SPIRE2: variants seen among roughly 807,000 people sequenced by gnomAD.
SPIRE2 encodes protein spire homolog 2.
In SPIRE2, 76 loss-of-function variants were observed where a neutral mutation model predicts 80.7. The observed-to-expected ratio is 0.94, with a 90% CI of 0.78 to 1.14. SPIRE2 has a LOEUF of 1.14. SPIRE2 is among the 50% of genes most tolerant of loss of function. SPIRE2 has a pLI of 0.00. For synonymous variants in SPIRE2, 535 were observed against 432.6 expected (o/e 1.24, Z -2.94); for missense variants, 1,196 against 1,015.3 (o/e 1.18, Z -2.42).
chr16:89,862,157 C>CTA, intron 10 of SPIRE2: 1 of 152,200 alleles, frequency 6.6e-6, no homozygotes, highest in Non-Finnish European at 1.5e-5. Flanking sequence ...GCGCCCACCA[C>CTA]CGCACCCGGC....
chr16:89,845,969 T>G (rs2041555186), intron 2 of SPIRE2: 1 of 248,532 alleles, frequency 4.0e-6, no homozygotes. Context: ...TGATCTCGGC[T>G]TACTGCAAGC....
intron 7 of SPIRE2, 53 bp from the exon 8 acceptor site, chr16:89,858,285 C>A: frequency 6.7e-7 from 1 of 1,493,276 alleles, no homozygotes; most frequent in East Asian, 2.4e-5. Flanking sequence ...TCAGCTCCTG[C>A]CTGCTGTCTC....
intron 3 of SPIRE2, 64 bp downstream of exon 3, chr16:89,850,724 G>A (rs564240990): frequency 1.1e-6 from 1 of 909,000 alleles, no homozygotes; most frequent in South Asian, 1.8e-5. Flanking sequence ...CAGTGGGTGG[G>A]AGGGGACTGG....
chr16:89,830,913 T>C (rs1035516014), intron 1 of SPIRE2, among the ~76,000 whole-genome samples: 6 of 147,030 alleles, frequency 4.1e-5, no homozygotes, highest in Non-Finnish European at 9.2e-5. Context: ...AGAATCTTTT[T>C]TTTTTTTTTT....
chr16:89,860,817 G>T, intron 10 of SPIRE2, 22 bp downstream of exon 10: 1 of 1,425,310 alleles, frequency 7.0e-7, no homozygotes, highest in Non-Finnish European at 9.3e-7. Context: ...TGCGATTGTC[G>T]TCCAGGGCGG....
In SPIRE2 at chr16:89,828,942, C is replaced by T. The variant is rs1242275727; in HGVS notation, c.244+148C>T. ...TGCGGGACCCGGAGCTCCCTCCCTCCCACTCTCCGTCCCTCTTTCCCTCTC... is the reference window on the plus strand; with the variant it reads ...TGCGGGACCCGGAGCTCCCTCCCTCTCACTCTCCGTCCCTCTTTCCCTCTC... On this transcript the variant is annotated intron_variant, in intron 1 of 14. Coordinates refer to ENST00000378247, the MANE Select transcript of SPIRE2 (RefSeq NM_032451.2). This position sits in a 1 kb window ranked among gnomAD's most constrained non-coding sequence, Gnocchi z 5.9. 2 of 501,546 alleles carry T rather than the reference C, an allele frequency of 4.0e-6. No individual in the cohort carries two copies. Among genetic ancestry groups the T allele is most frequent in the Non-Finnish European group, 5.8e-6 (2 of 346,312 alleles). 31.1% of individuals were successfully genotyped at this position (501,546 alleles called of 1,614,324 possible). A position where few individuals can be genotyped will look rare whatever the true frequency, so the allele number is the denominator to read the frequency against.
Position 89,863,402 on chromosome 16 carries a change from G to T in SPIRE2, c.1576-74G>T. 2 of 1,561,820 alleles carry T rather than the reference G, an allele frequency of 1.3e-6. No individual in the cohort carries two copies. Among genetic ancestry groups the T allele is most frequent in the Non-Finnish European group, 8.8e-7 (1 of 1,141,648 alleles). ...TTTAGGCTGAGGCCAGGGAGGGTTA[G>T]GGTCCTCAGGGAAGGAGAGTAAGCT... On this transcript the variant is annotated intron_variant, in intron 10 of 14. Coordinates refer to ENST00000378247, the MANE Select transcript of SPIRE2 (RefSeq NM_032451.2). The surrounding 1 kb of genome is among the most constrained non-coding windows in gnomAD (Gnocchi z 4.3).
rs985637261 is a variant in SPIRE2 at position 89,869,944 on chromosome 16, CT to C, written c.1923-105del. ...TGTTGCCTGAGGGCCAAGGGGAGGC[CT>C]AGGGTGAAAGGCAGCCAGGAGGGGG... is the stretch of plus-strand genomic sequence containing the variant. On this transcript the variant is annotated intron_variant, in intron 14 of 14. Transcript: ENST00000378247. The C allele has an allele frequency of 3.0e-6, 3 of 1,000,306 alleles. No homozygotes were observed. The African/African-American group carries it at 4.8e-5, about 16-fold the overall frequency. 62.0% of individuals were successfully genotyped at this position (1,000,306 alleles called of 1,614,324 possible). A position where few individuals can be genotyped will look rare whatever the true frequency, so the allele number is the denominator to read the frequency against.
intron 1 of SPIRE2, among the ~76,000 whole-genome samples, chr16:89,833,702 G>C (rs1406548925): frequency 6.6e-6 from 1 of 152,196 alleles, no homozygotes; most frequent in Non-Finnish European, 1.5e-5. Context: ...GCCAGTGGAG[G>C]TGGCAGCAAG....
rs144331367 is a variant in SPIRE2, at chr16:89,869,653, C to G, written c.1893C>G (p.Thr631=). The G allele has an allele frequency of 1.2e-6, 2 of 1,613,964 alleles. No individual in the cohort carries two copies. The highest frequency in any genetic ancestry group is 8.5e-7 in the Non-Finnish European group (1 of 1,179,948). The change falls in exon 14 of 15, where the codon ACC becomes ACG. Residue 631 remains threonine, a synonymous_variant. Transcript: ENST00000378247. The part of the protein sequence containing the change: ...ESPQRVSAAK[T]APIQRRDIFQ... The stretch of plus-strand genomic sequence containing the variant: ...CTCAGAGGGTATCAGCTGCCAAAAC[C>G]GCGCCAATCCAGAGAAGAGACATCT...
chr16:89,843,021 A>G (rs17177912), intron 1 of SPIRE2, among the ~76,000 whole-genome samples: 10,102 of 152,328 alleles, frequency 0.066, 851 homozygotes, highest in East Asian at 0.3. Flanking sequence ...ATAGACGCAT[A>G]TATACATCTT....
intron 2 of SPIRE2, among the ~76,000 whole-genome samples, chr16:89,847,425 C>T (rs957681719): frequency 2.0e-5 from 3 of 152,198 alleles, no homozygotes; most frequent in Non-Finnish European, 4.4e-5. Flanking sequence ...CCTGCTGTCC[C>T]GAGTCTCCAA....
In SPIRE2 at chr16:89,845,372, T is replaced by C. The variant is rs1028411293; in HGVS notation, c.288+7T>C. 2 of 1,612,900 alleles carry C rather than the reference T, an allele frequency of 1.2e-6. No homozygotes were observed. The highest frequency in any genetic ancestry group is 2.2e-5 in the East Asian group (1 of 44,874). On this transcript the variant is annotated splice_region_variant and intron_variant, in intron 2 of 14. Transcript: ENST00000378247. ...AGCCAGCTCGGAAGCCCAGGTACTTTTTAAAAAATTCCAAGTATTACTTGA... is the reference window on the plus strand; with the variant it reads ...AGCCAGCTCGGAAGCCCAGGTACTTCTTAAAAAATTCCAAGTATTACTTGA...
In SPIRE2 at chr16:89,828,706, G is replaced by A. The variant is rs1280353466; in HGVS notation, c.156G>A (p.Arg52=). 2.4e-6 allele frequency: 3 copies of A among 1,272,484 alleles called. No homozygotes were observed. The highest frequency in any genetic ancestry group is 3.3e-5 in the Admixed American group (1 of 30,172). 78.8% of individuals were successfully genotyped at this position (1,272,484 alleles called of 1,614,324 possible). ...GCTTCCAGGGCTGCCGCGGGCTGCG[G>A]GGCTCGCCGGGCCGGCGCCTGCGGG... is the stretch of plus-strand genomic sequence containing the variant. ...AVCFQGCRGL[R]GSPGRRLRDT... The change falls in exon 1 of 15, where the codon CGG becomes CGA. Residue 52 remains arginine, a synonymous_variant. Coordinates refer to ENST00000378247, the MANE Select transcript of SPIRE2 (RefSeq NM_032451.2). This position sits in a 1 kb window ranked among gnomAD's most constrained non-coding sequence, Gnocchi z 5.9.
chr16:89,869,504 C>T, intron 13 of SPIRE2, 63 bp from the exon 14 acceptor site: 2 of 1,142,420 alleles, frequency 1.8e-6, no homozygotes, highest in Non-Finnish European at 2.6e-6. Flanking sequence ...GGTCCCCTAG[C>T]ACTGAGTGTA....
chr16:89,868,338 A>G, intron 13 of SPIRE2, 122 bp downstream of exon 13: 1 of 1,034,554 alleles, frequency 9.7e-7, no homozygotes, highest in East Asian at 2.4e-5. Context: ...TTTCAGGCAG[A>G]ATCCATTCCT....
chr16:89,844,403 T>C lies in SPIRE2; in HGVS notation c.245-919T>C, dbSNP rs182000048. ...GTTGGTCAGGCTGGTCTTGAACTGC[T>C]AGCCTCAAGTGGTCCACCCACCTCA... On this transcript the variant is annotated intron_variant, in intron 1 of 14. Transcript: ENST00000378247. 1.3e-4 allele frequency among the ~76,000 whole-genome samples: 19 copies of C among 151,940 alleles called. 1 individual carries two copies. The highest frequency in any genetic ancestry group is 4.6e-4 in the African/African-American group (19 of 41,430).
intron 14 of SPIRE2, 31 bp downstream of exon 14, chr16:89,869,713 T>C (rs1210719648): frequency 6.4e-7 from 1 of 1,559,340 alleles, no homozygotes. Flanking sequence ...CTGATGTCAC[T>C]GTGGTGGTCG....
At chr16:89,848,225 T>G (rs10852626) in intron 2 of SPIRE2, among the ~76,000 whole-genome samples, 105,597 of 152,176 alleles carry the variant, frequency 0.69, 37,395 homozygotes, top group East Asian at 0.99. Context: ...TTGCCCCAGG[T>G]GACCCCCCGA....
Sources: gnomAD v4.1 joint callset for allele counts (sites outside exome capture counted in the v4.1 genomes callset) on GRCh38, gnomAD v4.1.1 for gene constraint, Gnocchi (gnomAD v3.1) non-coding constraint, MANE v1.5 for transcripts, NCBI Gene and HGNC (gene_info 2026-07-23, HGNC 2026-07-21) for gene names.